CCDC88A: variants seen among roughly 807,000 people sequenced by gnomAD.
The protein encoded by CCDC88A is coiled-coil and HOOK domain protein 88A.
In CCDC88A, 54 loss-of-function variants were observed where a neutral mutation model predicts 234.3. The ratio of observed to expected loss-of-function variants is 0.23; its 90% CI spans 0.19 to 0.29. CCDC88A has a LOEUF of 0.29. Ranked by LOEUF, CCDC88A falls within the 10% of genes least tolerant of loss-of-function variation. CCDC88A has a pLI of 1.00. For missense variants in CCDC88A, 1,832 were observed against 2,123.4 expected, an observed-to-expected ratio of 0.86 and a Z score of 2.70; for synonymous variants, 753 against 737.8, an observed-to-expected ratio of 1.02 and a Z score of -0.33.
At chr2:55,338,292 A>G (rs1558695472) in intron 13 of CCDC88A, among the ~76,000 whole-genome samples, 1 of 152,206 alleles carries the variant, frequency 6.6e-6, no homozygotes, top group Non-Finnish European at 1.5e-5. Flanking sequence ...AAGACAATGT[A>G]AAAACATTTT....
chr2:55,359,968 T>C (rs1238248498), intron 7 of CCDC88A, among the ~76,000 whole-genome samples: 1 of 152,130 alleles, frequency 6.6e-6, no homozygotes, highest in East Asian at 1.9e-4. Context: ...TACAGTATTA[T>C]GTTTCTAACC....
At position 55,381,426 on chromosome 2, in the gene CCDC88A, G is replaced by A. The variant is rs140956984; in HGVS notation, c.274-6543C>T. Among the ~76,000 whole-genome samples the A allele has an allele frequency of 2.2e-3, 331 of 151,846 alleles. 2 individuals carry two copies. The highest frequency in any genetic ancestry group is 7.8e-3 in the African/African-American group (322 of 41,414). On this transcript the variant is annotated intron_variant, in intron 3 of 32. Coordinates refer to ENST00000436346, the MANE Select transcript of CCDC88A (RefSeq NM_001365480.1). The stretch of plus-strand genomic sequence containing the variant: ...AAATTAGCCGGGTGTAGTGGCATGC[G>A]CCTGTATTCCCAGCTACTAGGGAGG...
chr2:55,346,132 AAC>A, intron 10 of CCDC88A, 41 bp downstream of exon 10: 1 of 1,445,744 alleles, frequency 6.9e-7, no homozygotes, highest in Non-Finnish European at 9.4e-7. Context: ...TTAAAATTCT[AAC>A]ACAGAAAAAA....
Position 55,343,728 on chromosome 2 carries a change from G to A in CCDC88A, c.1253C>T (p.Ala418Val). 1 of 1,609,796 alleles carries A rather than the reference G, an allele frequency of 6.2e-7. No homozygotes were observed. Among genetic ancestry groups the A allele is most frequent in the Non-Finnish European group, 8.5e-7 (1 of 1,176,866 alleles). ...TGATTCATCCATACTTTGTTTCTGT[G>A]CCATTTCCAAAGTCATATTTTCTTC... ...LMEENMTLEM[A>V]QKQSMDESLH... The change falls in exon 12 of 33, where the codon GCA becomes GTA. Residue 418 changes from alanine to valine, a missense_variant. By Grantham distance (64) the Ala-to-Val change is moderately conservative. Transcript: ENST00000436346.
intron 2 of CCDC88A, among the ~76,000 whole-genome samples, chr2:55,416,435 AATAAATAAATATATAT>A (rs1229102775): frequency 2.0e-4 from 6 of 29,624 alleles, no homozygotes; most frequent in African/African-American, 5.4e-4. Context: ...CAAATAAATA[AATAAATAAATATATAT>A]ATATATATAT....
At chr2:55,409,738 C>CTTTTTTTTTTTTTTTTTTTTTTTTTTTTT (rs61703330) in intron 2 of CCDC88A, among the ~76,000 whole-genome samples, 1 of 111,732 alleles carries the variant, frequency 8.9e-6, no homozygotes, top group African/African-American at 4.2e-5. Flanking sequence ...ATATACCTCC[C>CTTTTTTTTTTTTTTTTTTTTTTTTTTTTT]TTTTTTTTTT....
chr2:55,298,873 C>CA lies in CCDC88A; in HGVS notation c.4825+965dup, dbSNP rs70949101. Among the ~76,000 whole-genome samples, 346 of 95,332 alleles carry CA rather than the reference C, an allele frequency of 3.6e-3. 2 individuals are homozygous for CA. The highest frequency in any genetic ancestry group is 5.1e-3 in the Non-Finnish European group (236 of 46,574). 62.5% of individuals were successfully genotyped at this position (95,332 alleles called of 152,430 possible). On this transcript the variant is annotated intron_variant, in intron 29 of 32. Transcript: ENST00000436346. ...TGGGTGACACAGCGAGAACCCGTCTCAAAAAAAAAAAAAAAAAAAACACAA... is the reference window on the plus strand; with the variant it reads ...TGGGTGACACAGCGAGAACCCGTCTCAAAAAAAAAAAAAAAAAAAAACACAA...
At chr2:55,396,440 G>C (rs115035560) in intron 2 of CCDC88A, among the ~76,000 whole-genome samples, 324 of 152,222 alleles carry the variant, frequency 2.1e-3, no homozygotes, top group African/African-American at 7.7e-3. Flanking sequence ...AAACACTTTA[G>C]AGATACCTGG....
intron 7 of CCDC88A, among the ~76,000 whole-genome samples, chr2:55,359,910 A>C (rs1278085324): frequency 6.6e-6 from 1 of 152,124 alleles, no homozygotes; most frequent in African/African-American, 2.4e-5. Context: ...ATTAAGGAAA[A>C]GAAATTAGAG....
intron 3 of CCDC88A, among the ~76,000 whole-genome samples, chr2:55,388,196 G>A (rs745586783): frequency 1.3e-5 from 2 of 152,070 alleles, no homozygotes; most frequent in African/African-American, 4.8e-5. Flanking sequence ...CACATTCTTT[G>A]ACCAAAAATC....
chr2:55,404,269 G>A (rs923686019), intron 2 of CCDC88A: 1 of 152,146 alleles, frequency 6.6e-6, no homozygotes, highest in Non-Finnish European at 1.5e-5. Context: ...TAAGTAAGCA[G>A]TTTTTAAATT....
At chr2:55,371,639 T>C (rs562372012) in intron 5 of CCDC88A, among the ~76,000 whole-genome samples, 1 of 152,236 alleles carries the variant, frequency 6.6e-6, no homozygotes, top group East Asian at 1.9e-4. Flanking sequence ...ACACATGCCA[T>C]TCCACTGTAA....
chr2:55,353,548 TC>T (rs1298644129), intron 8 of CCDC88A, among the ~76,000 whole-genome samples: 3 of 151,974 alleles, frequency 2.0e-5, no homozygotes, highest in African/African-American at 4.8e-5. Flanking sequence ...TCAATCACTT[TC>T]TTTAACTACT....
chr2:55,331,180 G>C (rs923343729), intron 16 of CCDC88A, among the ~76,000 whole-genome samples: 2 of 152,130 alleles, frequency 1.3e-5, no homozygotes, highest in African/African-American at 4.8e-5. Context: ...CTTACATATA[G>C]TAGGTAATAA....
intron 9 of CCDC88A, among the ~76,000 whole-genome samples, chr2:55,348,056 G>A (rs1472379624): frequency 3.3e-5 from 5 of 151,886 alleles, no homozygotes; most frequent in Non-Finnish European, 7.4e-5. Flanking sequence ...CGACCTCCCA[G>A]GCTCAAGTGA....
intron 5 of CCDC88A, among the ~76,000 whole-genome samples, chr2:55,366,887 T>G (rs151182421): frequency 6.6e-6 from 1 of 152,274 alleles, no homozygotes; most frequent in African/African-American, 2.4e-5. Context: ...ACCGATAATA[T>G]AGGTCTAAAC....
At chr2:55,324,815 T>G (rs1380463356) in intron 17 of CCDC88A, among the ~76,000 whole-genome samples, 1 of 152,086 alleles carries the variant, frequency 6.6e-6, no homozygotes, top group Non-Finnish European at 1.5e-5. Context: ...CCAGCTAATT[T>G]TTGTATTTTT....
At chr2:55,389,459 T>C (rs1367368581) in intron 2 of CCDC88A, among the ~76,000 whole-genome samples, 1 of 152,086 alleles carries the variant, frequency 6.6e-6, no homozygotes, top group Non-Finnish European at 1.5e-5. Context: ...AATGGGAAAT[T>C]GCGGCACCTC....
chr2:55,390,567 C>T (rs1676480883), intron 2 of CCDC88A, among the ~76,000 whole-genome samples: 1 of 152,102 alleles, frequency 6.6e-6, no homozygotes, highest in Non-Finnish European at 1.5e-5. Flanking sequence ...AGGAAGATAC[C>T]CTCTTGCCAT....
Sources: gnomAD v4.1 joint callset for allele counts (sites outside exome capture counted in the v4.1 genomes callset) on GRCh38, gnomAD v4.1.1 for gene constraint, MANE v1.5 for transcripts, NCBI Gene and HGNC (gene_info 2026-07-23, HGNC 2026-07-21) for gene names.